The following GRAMD2B variants were observed in gnomAD, a reference collection of about 807,000 sequenced individuals.
The protein encoded by GRAMD2B is GRAM domain-containing protein 2B.
GRAMD2B carries 41 observed loss-of-function variants against 59.2 expected under a neutral mutation model. That is an observed-to-expected ratio of 0.69 (90% CI 0.54 to 0.90). GRAMD2B has a LOEUF of 0.90. Ranked by LOEUF, GRAMD2B falls within the 40% of genes least tolerant of loss-of-function variation. The probability of loss-of-function intolerance (pLI) is 0.00; values close to 1 mark genes in which losing one functional copy is unlikely to be tolerated. For synonymous variants in GRAMD2B, 161 were observed against 182.7 expected (o/e 0.88, Z 0.96); for missense variants, 424 against 500.5 (o/e 0.85, Z 1.46).
intron 1 of GRAMD2B, among the ~76,000 whole-genome samples, chr5:126,393,506 C>A (rs1339780276): frequency 6.6e-6 from 1 of 152,208 alleles, no homozygotes; most frequent in Non-Finnish European, 1.5e-5. Flanking sequence ...TTAGCAGCAG[C>A]ATTTAAATAC....
At chr5:126,429,758 C>T (rs1219547696) in intron 1 of GRAMD2B, among the ~76,000 whole-genome samples, 4 of 152,128 alleles carry the variant, frequency 2.6e-5, no homozygotes, top group African/African-American at 9.7e-5. Flanking sequence ...ATAAAGTGAC[C>T]GTGAGGACTC....
At chr5:126,390,905 C>A (rs911951577) in intron 1 of GRAMD2B, among the ~76,000 whole-genome samples, 1 of 152,114 alleles carries the variant, frequency 6.6e-6, no homozygotes, top group South Asian at 2.1e-4. Context: ...CTGCCTAATT[C>A]CCGTAATAAA....
intron 1 of GRAMD2B, among the ~76,000 whole-genome samples, chr5:126,392,469 A>G (rs773231482): frequency 2.0e-5 from 3 of 152,148 alleles, no homozygotes; most frequent in Non-Finnish European, 4.4e-5. Context: ...CCCATTAGCA[A>G]CTCAGAACCA....
At chr5:126,371,650 TTTTTCA>T (rs1311225919) in intron 1 of GRAMD2B, 1 of 1,127,998 alleles carries the variant, frequency 8.9e-7, no homozygotes, top group Non-Finnish European at 1.1e-6. Flanking sequence ...GGAGAGCTCC[TTTTTCA>T]TTCCTGGAGG....
chr5:126,484,117 C>A (rs1407552890), intron 9 of GRAMD2B, among the ~76,000 whole-genome samples: 1 of 152,150 alleles, frequency 6.6e-6, no homozygotes, highest in Non-Finnish European at 1.5e-5. Context: ...CGTGAGCCAC[C>A]GCACCGGCCT....
chr5:126,469,660 G>A lies in GRAMD2B; in HGVS notation c.204-17G>A. The A allele has an allele frequency of 6.5e-7, 1 of 1,549,420 alleles. No individual in the cohort carries two copies. Among genetic ancestry groups the A allele is most frequent in the Non-Finnish European group, 8.9e-7 (1 of 1,123,304 alleles). ...AAAAAAATTATCTTATAGACACCCTGGACTTTCTTTCTTTAGGTCAAAATC... is the reference window on the plus strand; with the variant it reads ...AAAAAAATTATCTTATAGACACCCTAGACTTTCTTTCTTTAGGTCAAAATC... On this transcript the variant is annotated splice_polypyrimidine_tract_variant and intron_variant, in intron 2 of 13. Coordinates refer to ENST00000285689, the MANE Select transcript of GRAMD2B (RefSeq NM_023927.4).
chr5:126,378,049 G>A (rs1755352474), intron 1 of GRAMD2B, among the ~76,000 whole-genome samples: 1 of 151,604 alleles, frequency 6.6e-6, no homozygotes, highest in African/African-American at 2.4e-5. Context: ...GGTGATATTT[G>A]TGCATAATAG....
chr5:126,361,105 T>C (rs1754197816), intron 1 of GRAMD2B, among the ~76,000 whole-genome samples: 1 of 152,204 alleles, frequency 6.6e-6, no homozygotes, highest in South Asian at 2.1e-4. Context: ...ATTTAATTTG[T>C]TTAAAAATTC....
At chr5:126,413,886 C>G (rs1201234076) in intron 1 of GRAMD2B, among the ~76,000 whole-genome samples, 2 of 151,924 alleles carry the variant, frequency 1.3e-5, no homozygotes, top group Non-Finnish European at 2.9e-5. Flanking sequence ...CCCATTTTTC[C>G]CCATAGATAA....
At chr5:126,360,235 T>C in exon 1 of GRAMD2B, 1 of 1,402,420 alleles carries the variant, frequency 7.1e-7, no homozygotes, top group Non-Finnish European at 9.7e-7. Context: ...GCACACCAAC[T>C]GGCTCAAAGA....
chr5:126,473,234 A>C, intron 4 of GRAMD2B, 31 bp from the exon 5 acceptor site: 1 of 798,260 alleles, frequency 1.3e-6, no homozygotes, highest in Non-Finnish European at 1.9e-6. Context: ...GGAAATTCTA[A>C]ATGATGCTGT....
intron 1 of GRAMD2B, among the ~76,000 whole-genome samples, chr5:126,374,332 A>G (rs1755007498): frequency 6.6e-6 from 1 of 152,226 alleles, no homozygotes; most frequent in South Asian, 2.1e-4. Flanking sequence ...CATCTTTTCA[A>G]CATGTTTAGT....
At chr5:126,469,214 C>T (rs1266024840) in intron 2 of GRAMD2B, among the ~76,000 whole-genome samples, 1 of 152,050 alleles carries the variant, frequency 6.6e-6, no homozygotes, top group African/African-American at 2.4e-5. Flanking sequence ...ATTGCAGTGT[C>T]CTAAAGCATG....
chr5:126,365,650 A>G (rs1754407883), intron 1 of GRAMD2B, among the ~76,000 whole-genome samples: 1 of 151,918 alleles, frequency 6.6e-6, no homozygotes, highest in African/African-American at 2.4e-5. Flanking sequence ...GCTTGAAATC[A>G]GCTGTGGTAG....
At chr5:126,486,415 C>A (rs553082090) in intron 11 of GRAMD2B, among the ~76,000 whole-genome samples, 3 of 152,194 alleles carry the variant, frequency 2.0e-5, no homozygotes, top group Non-Finnish European at 2.9e-5. Context: ...TAACTTCTAG[C>A]GTGTAACCAA....
chr5:126,426,608 A>C (rs72782500), intron 1 of GRAMD2B, among the ~76,000 whole-genome samples: 3,870 of 152,208 alleles, frequency 0.025, 67 homozygotes, highest in Admixed American at 0.063. Flanking sequence ...TTCCTTATTG[A>C]ATTTCTCAGA....
chr5:126,444,011 C>T (rs922273346), intron 1 of GRAMD2B, among the ~76,000 whole-genome samples: 6 of 151,734 alleles, frequency 4.0e-5, no homozygotes, highest in Non-Finnish European at 4.4e-5. Flanking sequence ...AAGATCACGC[C>T]ATTGCCCACC....
chr5:126,391,067 C>T lies in GRAMD2B; in HGVS notation c.125+19500C>T, dbSNP rs191617626. Among the ~76,000 whole-genome samples the T allele has an allele frequency of 2.0e-5, 3 of 152,064 alleles. No individual in the cohort carries two copies. The East Asian group carries it at 5.8e-4, about 29-fold the overall frequency. On this transcript the variant is annotated intron_variant, in intron 1 of 8. Transcript: ENST00000506445. ...TAATGTTAGTGGGATGATTTAAAAT[C>T]TGGTACAGGAGTTAGATGTGGCACC...
At chr5:126,404,625 ACTT>A (rs942465859) in intron 1 of GRAMD2B, among the ~76,000 whole-genome samples, 2 of 151,896 alleles carry the variant, frequency 1.3e-5, no homozygotes, top group African/African-American at 4.8e-5. Context: ...TGGATTCTAT[ACTT>A]GATAGAGTCG....
Sources: allele counts gnomAD v4.1 joint callset (sites outside exome capture counted in the v4.1 genomes callset), GRCh38; gene constraint gnomAD v4.1.1; transcripts MANE v1.5; gene names NCBI Gene and HGNC (gene_info 2026-07-23, HGNC 2026-07-21).